MEI1: variants seen among roughly 807,000 people sequenced by gnomAD.
MEI1 encodes the protein meiosis inhibitor protein 1.
MEI1 carries 103 observed loss-of-function variants against 146.2 expected under a neutral mutation model. The ratio of observed to expected loss-of-function variants is 0.70; its 90% confidence interval spans 0.60 to 0.83. MEI1 has a LOEUF of 0.83. MEI1 is among the 40% of genes least tolerant of loss of function. The pLI, the probability that MEI1 is intolerant of heterozygous loss-of-function variation, is 0.00. For synonymous variants in MEI1, 652 were observed against 628.2 expected (o/e 1.04, Z -0.57); for missense variants, 1,529 against 1,533.0 (o/e 1.00, Z 0.04).
intron 7 of MEI1, among the ~76,000 whole-genome samples, chr22:41,728,921 T>A (rs531814252): frequency 4.0e-5 from 6 of 151,204 alleles, no homozygotes; most frequent in South Asian, 2.1e-4. Context: ...TTCCCAGCAC[T>A]TTGGGAGGCC....
intron 6 of MEI1, among the ~76,000 whole-genome samples, chr22:41,721,397 A>C (rs1374611003): frequency 1.3e-5 from 2 of 150,238 alleles, no homozygotes; most frequent in Non-Finnish European, 3.0e-5. Context: ...GGCGCATGCC[A>C]CCACATCTGG....
chr22:41,766,238 A>G (rs1282506084), intron 19 of MEI1, among the ~76,000 whole-genome samples: 1 of 150,394 alleles, frequency 6.6e-6, no homozygotes, highest in African/African-American at 2.5e-5. Context: ...CAGTGGCGCG[A>G]TCTCTGCTCA....
chr22:41,781,932 G>A, intron 24 of MEI1, 87 bp downstream of exon 24: 1 of 1,480,072 alleles, frequency 6.8e-7, no homozygotes, highest in South Asian at 1.2e-5. Flanking sequence ...CAGCTCTGGG[G>A]GCTTATTAGC....
At chr22:41,761,320 T>C (rs970153971) in intron 18 of MEI1, among the ~76,000 whole-genome samples, 3 of 26,906 alleles carry the variant, frequency 1.1e-4, no homozygotes, top group Non-Finnish European at 1.9e-4. Context: ...TTTTTTTTTG[T>C]TTTTTTTTTT....
chr22:41,784,713 C>G lies in MEI1; in HGVS notation c.3275C>G (p.Thr1092Ser), dbSNP rs1337558013. 1.9e-6 allele frequency: 3 copies of G among 1,613,530 alleles called. No homozygotes were observed. Among genetic ancestry groups the G allele is most frequent in the Admixed American group, 1.7e-5 (1 of 59,938 alleles). ...GAQPLPATKD[T>S]VLAPLRMSQV... ...CAGCCACTGCCAGCCACCAAGGACACTGTCCTAGCTCCACTGCGAATGTCG... is the reference window on the plus strand; with the variant it reads ...CAGCCACTGCCAGCCACCAAGGACAGTGTCCTAGCTCCACTGCGAATGTCG... Residue 1092 changes from threonine (T) to serine (S), a missense_variant, in exon 26 of 31, where the codon ACT becomes AGT. Physicochemically the swap from Thr to Ser is moderately conservative, Grantham distance 58. This residue lies in a region of MEI1 where 313 missense variants were observed against 337.3 expected (regional missense o/e 0.93). Transcript: ENST00000401548.
intron 11 of MEI1, among the ~76,000 whole-genome samples, chr22:41,732,814 C>G: frequency 1.3e-5 from 1 of 78,498 alleles, no homozygotes; most frequent in East Asian, 3.2e-4. Context: ...GAGTTTTGTT[C>G]TTGTTGCCTA....
chr22:41,729,241 G>A (rs1341404402), intron 7 of MEI1, among the ~76,000 whole-genome samples: 2 of 150,118 alleles, frequency 1.3e-5, no homozygotes, highest in African/African-American at 4.9e-5. Context: ...GCTGAAATGA[G>A]AAGATCGCTG....
chr22:41,792,313 G>A (rs2076207922), intron 26 of MEI1, among the ~76,000 whole-genome samples: 1 of 152,204 alleles, frequency 6.6e-6, no homozygotes, highest in South Asian at 2.1e-4. Flanking sequence ...ATCTTCAGCA[G>A]TTGGGTGGCC....
At chr22:41,797,623 A>T (rs1228247270) in intron 30 of MEI1, among the ~76,000 whole-genome samples, 1 of 152,118 alleles carries the variant, frequency 6.6e-6, no homozygotes, top group Non-Finnish European at 1.5e-5. Context: ...AAAAAATAAA[A>T]AATTACCTTC....
Position 41,781,790 on chromosome 22 carries a change from C to T in MEI1, c.3032C>T (p.Ser1011Phe), listed in dbSNP as rs897735087. 8.7e-6 allele frequency: 14 copies of T among 1,613,906 alleles called. No homozygotes were observed. Among genetic ancestry groups the T allele is most frequent in the African/African-American group, 2.7e-5 (2 of 74,952 alleles). The change falls in exon 24 of 31, where the codon TCT becomes TTT. Residue 1011 changes from serine to phenylalanine, a missense_variant. Around this residue, in one of 3 missense-constraint regions of MEI1, gnomAD observed 313 missense variants for 337.3 expected, o/e 0.93. Transcript: ENST00000401548. ...ADSPRTALLCSAWLLTASFSA... is the reference protein window; with the variant it reads ...ADSPRTALLCFAWLLTASFSA... ...TCTCCCAGGACTGCACTCCTCTGCT[C>T]TGCCTGGCTGCTCACTGCCTCCTTC...
intron 19 of MEI1, among the ~76,000 whole-genome samples, chr22:41,764,539 T>C (rs2074719905): frequency 6.6e-6 from 1 of 152,172 alleles, no homozygotes; most frequent in Non-Finnish European, 1.5e-5. Context: ...GCAAAATTAA[T>C]AGTCAATGGA....
chr22:41,781,338 CCTT>C lies in MEI1; in HGVS notation c.2872_2874del (p.Phe958del). On this transcript the variant is annotated inframe_deletion, in exon 23 of 31. Transcript: ENST00000401548. ...ACTGACGTGGACATCCTGCAGCCCT[CCTT>C]CAACTTCCTGTATTGGAGCCTTCAT... The C allele has an allele frequency of 6.2e-7, 1 of 1,613,654 alleles. No individual in the cohort carries two copies.
chr22:41,745,654 G>T (rs1004752668), intron 13 of MEI1, among the ~76,000 whole-genome samples: 3 of 152,078 alleles, frequency 2.0e-5, no homozygotes, highest in Admixed American at 6.6e-5. Context: ...ACACACAATG[G>T]GGTAGAAGTA....
intron 3 of MEI1, among the ~76,000 whole-genome samples, chr22:41,705,922 G>A (rs2069059195): frequency 1.3e-5 from 2 of 151,720 alleles, no homozygotes; most frequent in Admixed American, 1.3e-4. Context: ...TGGCTAAGCT[G>A]GTCTCGAGCT....
chr22:41,729,360 C>A (rs1191494996), intron 7 of MEI1, among the ~76,000 whole-genome samples: 1 of 152,132 alleles, frequency 6.6e-6, no homozygotes, highest in Non-Finnish European at 1.5e-5. Context: ...AACCAGATGA[C>A]TTTGAAAGTA....
chr22:41,770,388 C>G (rs923938269), intron 19 of MEI1, among the ~76,000 whole-genome samples: 29 of 151,904 alleles, frequency 1.9e-4, no homozygotes, highest in Non-Finnish European at 1.0e-4. Flanking sequence ...GGATATTTAG[C>G]AGCATCCCCA....
chr22:41,721,806 T>C (rs1216447016), intron 6 of MEI1, among the ~76,000 whole-genome samples: 1 of 139,534 alleles, frequency 7.2e-6, no homozygotes, highest in Non-Finnish European at 1.5e-5. Context: ...CTGCAACCTC[T>C]GCCTCCCGGG....
At chr22:41,699,774 C>G in intron 1 of MEI1, 62 bp downstream of exon 1, 1 of 1,494,480 alleles carries the variant, frequency 6.7e-7, no homozygotes, top group Non-Finnish European at 8.9e-7. Context: ...GCAAACGCGG[C>G]CAGGCCCTTG....
intron 21 of MEI1, among the ~76,000 whole-genome samples, chr22:41,777,297 AG>A (rs2075495558): frequency 6.6e-6 from 1 of 151,768 alleles, no homozygotes; most frequent in South Asian, 2.1e-4. Flanking sequence ...CTGGAATTAC[AG>A]GCATGCGCCA....
Sources: allele counts gnomAD v4.1 joint callset (sites outside exome capture counted in the v4.1 genomes callset), GRCh38; gene constraint gnomAD v4.1.1; regional missense constraint gnomAD v4.1.1; transcripts MANE v1.5; gene names NCBI Gene and HGNC (gene_info 2026-07-23, HGNC 2026-07-21).